The following CCDC170 variants were observed in gnomAD, a reference collection of about 807,000 sequenced individuals.
The protein encoded by CCDC170 is coiled-coil domain containing 170, also known as coiled-coil domain-containing protein 170.
In CCDC170, 69 loss-of-function variants were observed where a neutral mutation model predicts 72.6. That is an observed-to-expected ratio of 0.95 (90% CI 0.78 to 1.16). CCDC170 has a LOEUF of 1.16. CCDC170 is among the 50% of genes most tolerant of loss of function. The pLI is 0.00. For missense variants in CCDC170, 852 were observed against 832.5 expected, an observed-to-expected ratio of 1.02 and a Z score of -0.29; for synonymous variants, 300 against 303.9, an observed-to-expected ratio of 0.99 and a Z score of 0.13.
intron 1 of CCDC170, among the ~76,000 whole-genome samples, chr6:151,497,604 A>G (rs527468309): frequency 1.3e-3 from 203 of 152,262 alleles, no homozygotes; most frequent in African/African-American, 4.7e-3. Flanking sequence ...AAGGAAAGAG[A>G]TATGCTTTGG....
At chr6:151,552,066 A>G (rs1782888366) in intron 5 of CCDC170, among the ~76,000 whole-genome samples, 1 of 146,438 alleles carries the variant, frequency 6.8e-6, no homozygotes, top group Admixed American at 6.9e-5. Context: ...TTTAAATAGC[A>G]TTGACATGTT....
chr6:151,612,147 A>AG (rs1456214641), intron 9 of CCDC170, among the ~76,000 whole-genome samples: 1 of 152,228 alleles, frequency 6.6e-6, no homozygotes, highest in African/African-American at 2.4e-5. Flanking sequence ...CATCTCCTCT[A>AG]GATCATGTCC....
chr6:151,532,653 G>A (rs917327644), intron 1 of CCDC170, among the ~76,000 whole-genome samples: 3 of 151,720 alleles, frequency 2.0e-5, no homozygotes, highest in African/African-American at 4.8e-5. Flanking sequence ...TTGAACAAAT[G>A]AGAAAAATGA....
rs1005754616 is a variant in CCDC170 at position 151,620,815 on chromosome 6, A to G, written c.*2668A>G. 6.6e-6 allele frequency: 1 copy of G among 151,202 alleles called. No homozygotes were observed. Among genetic ancestry groups the G allele is most frequent in the Admixed American group, 6.6e-5 (1 of 15,210 alleles). The allele number at this position is 151,202 out of a possible 1,614,324, so 9.4% of individuals were successfully genotyped here. On this transcript the variant is annotated 3_prime_UTR_variant, in exon 11 of 11. Coordinates refer to ENST00000239374, the MANE Select transcript of CCDC170 (RefSeq NM_025059.4). ...TTTAAAAACATGAAATTTTTTTTTC[A>G]TTTTTGATTTGATATCATTAATTTT...
Position 151,615,558 on chromosome 6 carries a change from A to T in CCDC170, c.1826A>T (p.Asp609Val). The T allele has an allele frequency of 1.2e-6, 2 of 1,614,012 alleles. No homozygotes were observed. Among genetic ancestry groups the T allele is most frequent in the Non-Finnish European group, 1.7e-6 (2 of 1,179,880 alleles). Residue 609 changes from aspartate (D) to valine (V), a missense_variant, in exon 10 of 11, where the codon GAT becomes GTT. By Grantham distance (152) the Asp-to-Val change is radical (BLOSUM62 -3). Coordinates refer to ENST00000239374, the MANE Select transcript of CCDC170 (RefSeq NM_025059.4). Reference sequence around the variant, plus strand: ...CTCATGTCTGTCAAGTCAGAACTGGATACCACAGAACATGAGGCTAAGGAG... The same window carrying T: ...CTCATGTCTGTCAAGTCAGAACTGGTTACCACAGAACATGAGGCTAAGGAG... Reference protein sequence around the residue: ...KKLMSVKSELDTTEHEAKENK... With the variant: ...KKLMSVKSELVTTEHEAKENK...
At chr6:151,517,268 G>A (rs1222963871) in intron 1 of CCDC170, among the ~76,000 whole-genome samples, 1 of 152,036 alleles carries the variant, frequency 6.6e-6, no homozygotes, top group East Asian at 1.9e-4. Flanking sequence ...GGAGGTGGAG[G>A]TTGCAGTGAG....
intron 5 of CCDC170, among the ~76,000 whole-genome samples, chr6:151,552,619 A>C (rs373105144): frequency 1.1e-3 from 165 of 152,112 alleles, no homozygotes; most frequent in African/African-American, 3.9e-3. Context: ...CAAATTCTCC[A>C]AATTTGTCCG....
At chr6:151,582,283 C>T (rs1053146647) in intron 6 of CCDC170, among the ~76,000 whole-genome samples, 5 of 152,242 alleles carry the variant, frequency 3.3e-5, no homozygotes, top group African/African-American at 7.2e-5. Flanking sequence ...CCAGCTTCTA[C>T]ATCAGCACTT....
At chr6:151,578,005 C>G (rs2115095451) in intron 6 of CCDC170, among the ~76,000 whole-genome samples, 1 of 152,240 alleles carries the variant, frequency 6.6e-6, no homozygotes, top group Admixed American at 6.5e-5. Flanking sequence ...CCCCTCCTCC[C>G]CATTCTGATC....
In CCDC170 at chr6:151,618,462, A is replaced by G. The variant is rs902939588; in HGVS notation, c.*315A>G. ...TCTATTTTAAGTCAGGGGCTTTACT[A>G]GCCGATTTAGTTCTCACAATAACCA... On this transcript the variant is annotated 3_prime_UTR_variant, in exon 11 of 11. Transcript: ENST00000239374. 3 of 305,026 alleles carry G rather than the reference A, an allele frequency of 9.8e-6. No homozygotes were observed. The highest frequency in any genetic ancestry group is 6.4e-5 in the African/African-American group (3 of 46,602). 18.9% of individuals were successfully genotyped at this position (305,026 alleles called of 1,614,324 possible).
rs34498397 is a variant in CCDC170 at position 151,552,026 on chromosome 6, G to GT, written c.774+3554dup. Among the ~76,000 whole-genome samples, 202 of 129,632 alleles carry GT rather than the reference G, an allele frequency of 1.6e-3. 1 individual carries two copies. The highest frequency in any genetic ancestry group is 5.2e-3 in the African/African-American group (188 of 36,278). 85.0% of individuals were successfully genotyped at this position (129,632 alleles called of 152,430 possible). A position where few individuals can be genotyped will look rare whatever the true frequency, so the allele number is the denominator to read the frequency against. On this transcript the variant is annotated intron_variant, in intron 5 of 10. Coordinates refer to ENST00000239374, the MANE Select transcript of CCDC170 (RefSeq NM_025059.4). Reference sequence around the variant, plus strand: ...CACTGCATTTGTTGATTAGTGTCAGGTTTTTTTTTTTTTTTTTGGTTGTTG... The same window carrying GT: ...CACTGCATTTGTTGATTAGTGTCAGGTTTTTTTTTTTTTTTTTTGGTTGTTG...
rs548902521 is a variant in CCDC170 at position 151,620,149 on chromosome 6, C to G, written c.*2002C>G. 5.2e-3 allele frequency: 603 copies of G among 115,622 alleles called. 2 individuals are homozygous for G. The highest frequency in any genetic ancestry group is 0.019 in the African/African-American group (571 of 29,424). 7.2% of individuals were successfully genotyped at this position (115,622 alleles called of 1,614,324 possible). A position where few individuals can be genotyped will look rare whatever the true frequency, so the allele number is the denominator to read the frequency against. Reference sequence around the variant, plus strand: ...AATGGGAAAAAATAGTGAAGATCTTCTTTTAGGAAAACTACCAATAAATGT... The same window carrying G: ...AATGGGAAAAAATAGTGAAGATCTTGTTTTAGGAAAACTACCAATAAATGT... On this transcript the variant is annotated 3_prime_UTR_variant, in exon 11 of 11. Transcript: ENST00000239374.
At position 151,537,344 on chromosome 6, in the gene CCDC170, G is replaced by C. The variant is rs968647977; in HGVS notation, c.187-701G>C. Among the ~76,000 whole-genome samples the C allele has an allele frequency of 4.6e-5, 7 of 152,298 alleles. No individual in the cohort carries two copies. In the South Asian group the frequency reaches 8.3e-4, roughly 18 times the overall value. ...AGAACGATGAGTTGATAATGTGTGT[G>C]TGAATAAATGTATGTATGCACACTC... On this transcript the variant is annotated intron_variant, in intron 2 of 10. Coordinates refer to ENST00000239374, the MANE Select transcript of CCDC170 (RefSeq NM_025059.4).
chr6:151,515,521 G>C, intron 1 of CCDC170, among the ~76,000 whole-genome samples: 1 of 152,174 alleles, frequency 6.6e-6, no homozygotes, highest in Non-Finnish European at 1.5e-5. Flanking sequence ...GACCTCAGGT[G>C]ATCTGCCTGC....
chr6:151,620,261 G>T lies in CCDC170; in HGVS notation c.*2114G>T, dbSNP rs749702962. Reference sequence around the variant, plus strand: ...AACCTAAAAGAAAGCGAATGAATTTGACACCTGTTGGTTGGATGACAGACC... The same window carrying T: ...AACCTAAAAGAAAGCGAATGAATTTTACACCTGTTGGTTGGATGACAGACC... On this transcript the variant is annotated 3_prime_UTR_variant, in exon 11 of 11. Transcript: ENST00000239374. 6.6e-6 allele frequency: 1 copy of T among 151,298 alleles called. No homozygotes were observed. The highest frequency in any genetic ancestry group is 1.9e-4 in the East Asian group (1 of 5,136). 9.4% of individuals were successfully genotyped at this position (151,298 alleles called of 1,614,324 possible).
At chr6:151,533,681 A>G (rs1016410498) in intron 1 of CCDC170, among the ~76,000 whole-genome samples, 1 of 152,034 alleles carries the variant, frequency 6.6e-6, no homozygotes, top group Admixed American at 6.5e-5. Flanking sequence ...AAAAAAAAAA[A>G]AAATCATCAC....
Position 151,619,961 on chromosome 6 carries a change from G to A in CCDC170, c.*1814G>A, listed in dbSNP as rs564292128. The A allele has an allele frequency of 2.0e-5, 3 of 152,146 alleles. No homozygotes were observed. The highest frequency in any genetic ancestry group is 7.2e-5 in the African/African-American group (3 of 41,526). The allele number at this position is 152,146 out of a possible 1,614,324, so 9.4% of individuals were successfully genotyped here. A position where few individuals can be genotyped will look rare whatever the true frequency, so the allele number is the denominator to read the frequency against. On this transcript the variant is annotated 3_prime_UTR_variant, in exon 11 of 11. Coordinates refer to ENST00000239374, the MANE Select transcript of CCDC170 (RefSeq NM_025059.4). ...TGGATCTTGGTTTGAATGAAAAAAA[G>A]CATAAAATATTCTTGCAATAATTGT...
chr6:151,567,999 A>G (rs1252955088), intron 5 of CCDC170, among the ~76,000 whole-genome samples: 2 of 148,378 alleles, frequency 1.3e-5, no homozygotes, highest in Non-Finnish European at 3.0e-5. Flanking sequence ...TACCCCAGCT[A>G]CTCGGTAGGC....
At chr6:151,501,327 A>G (rs1484242294) in intron 1 of CCDC170, among the ~76,000 whole-genome samples, 4 of 152,158 alleles carry the variant, frequency 2.6e-5, no homozygotes, top group South Asian at 2.1e-4. Flanking sequence ...GTGAAAAAAA[A>G]ACTGATTATA....
Sources: gnomAD v4.1 joint callset for allele counts (sites outside exome capture counted in the v4.1 genomes callset) on GRCh38, gnomAD v4.1.1 for gene constraint, MANE v1.5 for transcripts, NCBI Gene and HGNC (gene_info 2026-07-23, HGNC 2026-07-21) for gene names.